IFRD1: variants seen among roughly 807,000 people sequenced by gnomAD.
IFRD1 encodes interferon-related developmental regulator 1.
IFRD1 carries 35 observed loss-of-function variants against 52.9 expected under a neutral mutation model. The ratio of observed to expected loss-of-function variants is 0.66; its 90% CI spans 0.51 to 0.88. The LOEUF is 0.88. Among genes scored for constraint, IFRD1 ranks in the 40% least tolerant of loss-of-function variants. IFRD1 has a pLI of 0.00. For synonymous variants in IFRD1, 184 were observed against 188.4 expected (o/e 0.98, Z 0.19); for missense variants, 517 against 550.8 (o/e 0.94, Z 0.61).
rs1334545331 is a variant in IFRD1 at position 112,457,008 on chromosome 7, A to G, written c.379A>G (p.Thr127Ala). 2 of 1,613,982 alleles carry G rather than the reference A, an allele frequency of 1.2e-6. No individual in the cohort carries two copies. Among genetic ancestry groups the G allele is most frequent in the East Asian group, 2.2e-5 (1 of 44,842 alleles). Residue 127 changes from threonine to alanine, a missense_variant, in exon 4 of 12, where the codon ACT becomes GCT. Transcript: ENST00000403825. The part of the protein sequence containing the change: ...EFILERRMTL[T>A]DSIERCLKKG... ...TATTCTGGAAAGGAGAATGACTTTA[A>G]CTGATAGCATTGAACGCTGCCTGAA... is the stretch of plus-strand genomic sequence containing the variant.
chr7:112,426,087 C>A (rs551100341), intron 1 of IFRD1, among the ~76,000 whole-genome samples: 4 of 152,262 alleles, frequency 2.6e-5, no homozygotes, highest in African/African-American at 9.6e-5. Flanking sequence ...GTGGTTCACT[C>A]CTGTAATACC....
chr7:112,425,223 G>T (rs1794402241), intron 1 of IFRD1, among the ~76,000 whole-genome samples: 1 of 152,228 alleles, frequency 6.6e-6, no homozygotes, highest in African/African-American at 2.4e-5. Context: ...TACTCAGTGT[G>T]ATGGTGAATT....
At chr7:112,428,416 T>C (rs1794474550) in intron 1 of IFRD1, among the ~76,000 whole-genome samples, 1 of 152,122 alleles carries the variant, frequency 6.6e-6, no homozygotes, top group Non-Finnish European at 1.5e-5. Context: ...GAAAAGCTAT[T>C]TGCAATGGAG....
intron 11 of IFRD1, among the ~76,000 whole-genome samples, chr7:112,473,092 C>T (rs1305670753): frequency 5.3e-5 from 8 of 151,006 alleles, no homozygotes; most frequent in East Asian, 3.9e-4. Context: ...CTGGGTGACA[C>T]GAGTGGGACC....
intron 8 of IFRD1, among the ~76,000 whole-genome samples, chr7:112,464,537 A>G (rs932719692): frequency 4.6e-5 from 7 of 152,182 alleles, no homozygotes; most frequent in Middle Eastern, 6.4e-3. Flanking sequence ...TAAAATGGAT[A>G]AATTATTAGT....
At chr7:112,473,029 CGTGT>C (rs74273594) in intron 11 of IFRD1, among the ~76,000 whole-genome samples, 168 bp downstream of exon 11, 9,929 of 115,072 alleles carry the variant, frequency 0.086, 403 homozygotes, top group Admixed American at 0.16. Flanking sequence ...GTGTGGGGGG[CGTGT>C]GTGTGTGTGT....
At chr7:112,453,868 T>TA (rs370893488) in intron 1 of IFRD1, among the ~76,000 whole-genome samples, 55 of 147,562 alleles carry the variant, frequency 3.7e-4, no homozygotes, top group South Asian at 1.7e-3. Context: ...ACAACTCCGT[T>TA]AAAAAAAAAA....
intron 8 of IFRD1, among the ~76,000 whole-genome samples, chr7:112,463,174 TTGAC>T (rs1455382581): frequency 6.6e-6 from 1 of 152,176 alleles, no homozygotes; most frequent in African/African-American, 2.4e-5. Flanking sequence ...AGGAGCAGGT[TTGAC>T]TGTCTTCACA....
At chr7:112,456,365 T>A (rs1426284926) in intron 3 of IFRD1, among the ~76,000 whole-genome samples, 1 of 152,200 alleles carries the variant, frequency 6.6e-6, no homozygotes, top group Non-Finnish European at 1.5e-5. Flanking sequence ...TACATAGCTG[T>A]ATTTGATTAT....
intron 1 of IFRD1, among the ~76,000 whole-genome samples, chr7:112,441,110 C>T (rs916926141): frequency 3.3e-5 from 5 of 151,888 alleles, no homozygotes; most frequent in Admixed American, 6.6e-5. Context: ...CCTGTCTTTA[C>T]GAAAAACACA....
intron 1 of IFRD1, among the ~76,000 whole-genome samples, chr7:112,429,961 C>CA (rs1794512463): frequency 6.6e-6 from 1 of 152,218 alleles, no homozygotes; most frequent in Non-Finnish European, 1.5e-5. Context: ...ATGTTTCAGT[C>CA]AGCACTTTCT....
intron 8 of IFRD1, chr7:112,467,560 CT>C (rs1795642065): frequency 5.2e-6 from 1 of 192,054 alleles, no homozygotes; most frequent in African/African-American, 2.4e-5. Flanking sequence ...AAAGTAGATG[CT>C]TTAATTGTAG....
chr7:112,466,536 C>T (rs1475176024), intron 8 of IFRD1, among the ~76,000 whole-genome samples: 1 of 152,114 alleles, frequency 6.6e-6, no homozygotes, highest in Non-Finnish European at 1.5e-5. Context: ...GTGCCGATAG[C>T]ACCCCCTTCT....
intron 4 of IFRD1, chr7:112,458,115 T>C (rs1795339894): frequency 6.6e-6 from 1 of 152,200 alleles, no homozygotes; most frequent in Non-Finnish European, 1.5e-5. Context: ...ATAATGGTTG[T>C]TGGACTAGAT....
chr7:112,459,951 CTGAAATA>C (rs775610926), intron 5 of IFRD1, among the ~76,000 whole-genome samples: 3 of 152,208 alleles, frequency 2.0e-5, no homozygotes, highest in Non-Finnish European at 4.4e-5. Context: ...GTTAGTAATT[CTGAAATA>C]TTTAATTAGC....
intron 9 of IFRD1, among the ~76,000 whole-genome samples, chr7:112,468,368 A>T (rs1481496092): frequency 6.6e-6 from 1 of 152,086 alleles, no homozygotes; most frequent in Admixed American, 6.6e-5. Flanking sequence ...TAGTGATAGA[A>T]ATGTATTTGA....
At chr7:112,459,167 T>C (rs1026680604) in intron 5 of IFRD1, 149 bp downstream of exon 5, 1 of 697,624 alleles carries the variant, frequency 1.4e-6, no homozygotes, top group African/African-American at 1.8e-5. Flanking sequence ...TGAGCTATAA[T>C]CATGCCACTG....
At position 112,445,313 on chromosome 7, in the gene IFRD1, A is replaced by G. The variant is rs568256402; in HGVS notation, c.-181-5195A>G. ...GATCTCCTGACCTTGTGATCCGCCC[A>G]CCTTGGCCTCCCAGAGTGCTAGGAT... On this transcript the variant is annotated intron_variant, in intron 1 of 12. Coordinates refer to the IFRD1 transcript ENST00000005558. 3.4e-3 allele frequency among the ~76,000 whole-genome samples: 518 copies of G among 152,036 alleles called. 3 individuals carry two copies. Among genetic ancestry groups the G allele is most frequent in the South Asian group, 0.016 (77 of 4,810 alleles).
At chr7:112,445,633 T>TC (rs1563261920), upstream of IFRD1, among the ~76,000 whole-genome samples, 1 of 152,176 alleles carries the variant, frequency 6.6e-6, no homozygotes, top group African/African-American at 2.4e-5. Context: ...GGAAATTGAC[T>TC]CCCTCATTCA....
Sources: gnomAD v4.1 joint callset for allele counts (sites outside exome capture counted in the v4.1 genomes callset) on GRCh38, gnomAD v4.1.1 for gene constraint, MANE v1.5 for transcripts, NCBI Gene and HGNC (gene_info 2026-07-23, HGNC 2026-07-21) for gene names.